Variants in GFM2 observed in about 807,000 individuals in gnomAD.
GFM2 encodes the protein GTP dependent ribosome recycling factor mitochondrial 2.
A neutral mutation model predicts 95.4 loss-of-function variants in GFM2; 72 were observed. That is an observed-to-expected ratio of 0.76 (90% CI 0.62 to 0.92). The LOEUF is 0.92. Among genes scored for constraint, GFM2 ranks in the 40% least tolerant of loss-of-function variants. The pLI is 0.00. For missense variants in GFM2, 825 were observed against 924.1 expected, an observed-to-expected ratio of 0.89 and a Z score of 1.39; for synonymous variants, 276 against 317.5, an observed-to-expected ratio of 0.87 and a Z score of 1.39.
intron 1 of GFM2, among the ~76,000 whole-genome samples, chr5:74,764,437 A>T (rs561080839): frequency 4.6e-5 from 7 of 152,208 alleles, no homozygotes; most frequent in African/African-American, 1.7e-4. Context: ...GCGGCCCACG[A>T]TATCTTTATA....
intron 7 of GFM2, 43 bp from the exon 8 acceptor site, chr5:74,747,823 A>T (rs1561252773): frequency 8.9e-7 from 1 of 1,121,876 alleles, no homozygotes; most frequent in Non-Finnish European, 1.3e-6. Flanking sequence ...GAACAAAAGT[A>T]ACTATGTTAC....
chr5:74,760,834 C>A (rs1744242696), intron 3 of GFM2, 68 bp downstream of exon 3: 4 of 1,028,172 alleles, frequency 3.9e-6, no homozygotes, highest in South Asian at 1.4e-5. Flanking sequence ...GAGATTCTTG[C>A]AAACAAGAGA....
At chr5:74,739,940 T>C in intron 12 of GFM2, 49 bp downstream of exon 12, 1 of 1,299,276 alleles carries the variant, frequency 7.7e-7, no homozygotes, top group Non-Finnish European at 1.0e-6. Context: ...ATTTGCCTAC[T>C]TGTTTCTTCA....
At chr5:74,751,331 G>C (rs776757077) in intron 6 of GFM2, 37 bp downstream of exon 6, 2 of 1,559,564 alleles carry the variant, frequency 1.3e-6, no homozygotes, top group South Asian at 1.2e-5. Context: ...AACTCCAAAT[G>C]ACGCAGCATC....
chr5:74,743,073 T>C (rs902798434), intron 10 of GFM2, among the ~76,000 whole-genome samples: 5 of 152,172 alleles, frequency 3.3e-5, no homozygotes, highest in African/African-American at 1.2e-4. Flanking sequence ...ATACATTAAT[T>C]AAACAACACT....
chr5:74,735,539 A>C (rs1742790356), intron 15 of GFM2, among the ~76,000 whole-genome samples: 1 of 152,228 alleles, frequency 6.6e-6, no homozygotes, highest in Non-Finnish European at 1.5e-5. Context: ...CCTTAAACAA[A>C]CAGTCTAATA....
chr5:74,737,029 A>T, intron 14 of GFM2, 44 bp from the exon 15 acceptor site: 1 of 1,603,944 alleles, frequency 6.2e-7, no homozygotes, highest in Non-Finnish European at 8.5e-7. Flanking sequence ...GGCATTTAGC[A>T]AGCGCTCATC....
rs181900110 is a variant in GFM2, at chr5:74,759,375, A to G, written c.200T>C (p.Ile67Thr). 10 of 1,524,386 alleles carry G rather than the reference A, an allele frequency of 6.6e-6. No homozygotes were observed. Among genetic ancestry groups the G allele is most frequent in the Middle Eastern group, 1.7e-4 (1 of 5,816 alleles). 94.4% of individuals were successfully genotyped at this position (1,524,386 alleles called of 1,614,324 possible). A position where few individuals can be genotyped will look rare whatever the true frequency, so the allele number is the denominator to read the frequency against. ...ATATAATGATAGTACTTACTTAGCT[A>G]TGGGAGGATTGATGATGGAATGAAG... ...KSLHSIINPP[I>T]AKIRNIGIMA... is the part of the protein sequence containing the mutation. The change falls in exon 4 of 21, where the codon ATA (isoleucine) becomes ACA (threonine). Residue 67 changes from isoleucine to threonine, a missense_variant. Physicochemically the swap from Ile to Thr is moderately conservative, Grantham distance 89. Coordinates refer to ENST00000296805, the MANE Select transcript of GFM2 (RefSeq NM_032380.5).
chr5:74,738,613 A>G lies in GFM2; in HGVS notation c.1109T>C (p.Leu370Ser), dbSNP rs1329043903. 4 of 1,613,294 alleles carry G rather than the reference A, an allele frequency of 2.5e-6. No homozygotes were observed. The highest frequency in any genetic ancestry group is 2.5e-6 in the Non-Finnish European group (3 of 1,179,596). The change falls in exon 13 of 21, where the codon TTG becomes TCG. Residue 370 changes from leucine (L) to serine (S), a missense_variant. By Grantham distance (145) the Leu-to-Ser change is moderately radical (BLOSUM62 -2). Transcript: ENST00000296805. ...CTTGTCATGGAGAACTTTAAATGCC[A>G]ATGCACATAAGTCATCCTTATACCA... The part of the protein sequence containing the change: ...LQWYKDDLCA[L>S]AFKVLHDKQR...
At chr5:74,725,371 AG>A (rs1299014912) in intron 19 of GFM2, among the ~76,000 whole-genome samples, 7 of 152,206 alleles carry the variant, frequency 4.6e-5, no homozygotes, top group African/African-American at 1.7e-4. Flanking sequence ...TGGGGAAAGC[AG>A]AAATGTCACT....
intron 17 of GFM2, among the ~76,000 whole-genome samples, chr5:74,727,425 CT>C (rs950437190): frequency 9.2e-5 from 14 of 152,090 alleles, no homozygotes; most frequent in African/African-American, 3.4e-4. Context: ...TATACGGCAA[CT>C]TTTTTGTTCT....
In GFM2 at chr5:74,726,023, CTCAAA is replaced by C; in HGVS notation, c.1825_1829del (p.Phe609ValfsTer3). The C allele has an allele frequency of 1.1e-6, 1 of 924,946 alleles. No individual in the cohort carries two copies. Among genetic ancestry groups the C allele is most frequent in the Non-Finnish European group, 1.4e-6 (1 of 710,288 alleles). The allele number at this position is 924,946 out of a possible 1,614,324, so 57.3% of individuals were successfully genotyped here. A position where few individuals can be genotyped will look rare whatever the true frequency, so the allele number is the denominator to read the frequency against. ...GGCCTTCATTGATACTTTCAGCATA[CTCAAA>C]CTCAATCACAGGCATAACAGATGAT... On this transcript the variant is annotated frameshift_variant, in exon 18 of 21. Transcript: ENST00000296805. LOFTEE classifies it high-confidence loss of function.
At chr5:74,732,171 T>C (rs1035789420) in intron 16 of GFM2, among the ~76,000 whole-genome samples, 1 of 148,696 alleles carries the variant, frequency 6.7e-6, no homozygotes, top group Admixed American at 6.7e-5. Context: ...AGGGTTTCCT[T>C]ATGTTGCCCA....
chr5:74,733,211 C>G, intron 15 of GFM2, 113 bp from the exon 16 acceptor site: 1 of 735,044 alleles, frequency 1.4e-6, no homozygotes, highest in South Asian at 1.7e-5. Flanking sequence ...GAAATTTCGA[C>G]CAGGTGTGGT....
intron 11 of GFM2, among the ~76,000 whole-genome samples, chr5:74,740,795 C>G (rs901070272): frequency 1.3e-5 from 2 of 151,990 alleles, no homozygotes; most frequent in Non-Finnish European, 2.9e-5. Context: ...TTTTTTCATT[C>G]TAACTTATGA....
chr5:74,722,326 T>C (rs1218769588), intron 20 of GFM2, 53 bp downstream of exon 20: 26 of 1,389,500 alleles, frequency 1.9e-5, no homozygotes, highest in Non-Finnish European at 1.5e-5. Flanking sequence ...CATTGGCATA[T>C]AATATCCCCT....
intron 5 of GFM2, among the ~76,000 whole-genome samples, chr5:74,758,327 T>C (rs564661756): frequency 1.4e-4 from 22 of 152,314 alleles, no homozygotes; most frequent in Non-Finnish European, 3.1e-4. Context: ...ATAAGTACCT[T>C]ATGGAGATAC....
intron 16 of GFM2, among the ~76,000 whole-genome samples, chr5:74,732,755 C>T (rs1742634053): frequency 6.6e-6 from 1 of 152,032 alleles, no homozygotes; most frequent in South Asian, 2.1e-4. Flanking sequence ...TCACAAAAAG[C>T]TGTCTTCAGG....
In GFM2 at chr5:74,763,665, A is replaced by T; in HGVS notation, c.63+15T>A. On this transcript the variant is annotated intron_variant, in intron 2 of 20. Coordinates refer to ENST00000296805, the MANE Select transcript of GFM2 (RefSeq NM_032380.5). ...AGGTTGTTAAAGGACACTTAATTTTATAAGAAATGCTTACATTAATATACA... is the reference window on the plus strand; with the variant it reads ...AGGTTGTTAAAGGACACTTAATTTTTTAAGAAATGCTTACATTAATATACA... 6.8e-7 allele frequency: 1 copy of T among 1,481,016 alleles called. No individual in the cohort carries two copies. The highest frequency in any genetic ancestry group is 9.4e-7 in the Non-Finnish European group (1 of 1,061,516). 91.7% of individuals were successfully genotyped at this position (1,481,016 alleles called of 1,614,324 possible).
Sources: allele counts gnomAD v4.1 joint callset (sites outside exome capture counted in the v4.1 genomes callset), GRCh38; gene constraint gnomAD v4.1.1; transcripts MANE v1.5; gene names NCBI Gene and HGNC (gene_info 2026-07-23, HGNC 2026-07-21).